The following NTF3 variants were observed in gnomAD, a reference collection of about 807,000 sequenced individuals.
NTF3 encodes the protein neurotrophin 3.
In NTF3, 8 loss-of-function variants were observed where a neutral mutation model predicts 26.3. That is an observed-to-expected ratio of 0.30 (90% CI 0.18 to 0.55). The LOEUF (loss-of-function observed/expected upper bound fraction) is 0.55. Ranked by LOEUF, NTF3 falls within the 20% of genes least tolerant of loss-of-function variation. The pLI is 0.93. For missense variants in NTF3, 276 were observed against 352.9 expected (o/e 0.78, Z 1.75); for synonymous variants, 154 against 145.5 (o/e 1.06, Z -0.42).
At chr12:5,475,809 C>G (rs1940715281) in intron 1 of NTF3, among the ~76,000 whole-genome samples, 1 of 148,002 alleles carries the variant, frequency 6.8e-6, no homozygotes, top group African/African-American at 2.5e-5. Flanking sequence ...GCACTCTAGA[C>G]TGAGTGACAG....
chr12:5,467,889 T>A (rs1402406177), intron 1 of NTF3, among the ~76,000 whole-genome samples: 1 of 152,200 alleles, frequency 6.6e-6, no homozygotes, highest in Non-Finnish European at 1.5e-5. Context: ...CGTGCTGTAC[T>A]CCTTGGACAC....
chr12:5,484,676 C>T (rs148947136), intron 1 of NTF3, among the ~76,000 whole-genome samples: 27 of 152,232 alleles, frequency 1.8e-4, no homozygotes, highest in Admixed American at 1.3e-3. Flanking sequence ...CATTTGGAAA[C>T]GTGCGGGTCC....
chr12:5,457,783 C>T (rs1940470415), intron 1 of NTF3, among the ~76,000 whole-genome samples: 1 of 152,156 alleles, frequency 6.6e-6, no homozygotes, highest in African/African-American at 2.4e-5. Context: ...TCTCCATTGT[C>T]TTTCACCTTA....
chr12:5,482,615 A>C (rs1205233219), intron 1 of NTF3, among the ~76,000 whole-genome samples: 2 of 151,536 alleles, frequency 1.3e-5, no homozygotes, highest in East Asian at 3.9e-4. Flanking sequence ...ATTTTCCCCA[A>C]CCAGGTAGAA....
intron 1 of NTF3, among the ~76,000 whole-genome samples, chr12:5,489,211 G>A (rs1940904528): frequency 6.6e-6 from 1 of 152,212 alleles, no homozygotes; most frequent in South Asian, 2.1e-4. Flanking sequence ...CTTTCATAGG[G>A]AATACAGGGA....
intron 1 of NTF3, among the ~76,000 whole-genome samples, chr12:5,482,123 T>A (rs1005482492): frequency 2.0e-5 from 3 of 151,672 alleles, no homozygotes; most frequent in Non-Finnish European, 4.4e-5. Flanking sequence ...CAATGCACAC[T>A]CACACACAGA....
intron 1 of NTF3, among the ~76,000 whole-genome samples, chr12:5,437,934 G>T (rs1192632995): frequency 6.6e-6 from 1 of 152,164 alleles, no homozygotes; most frequent in Non-Finnish European, 1.5e-5. Context: ...GGTAGATGGG[G>T]CATTTGTAGA....
At chr12:5,490,584 C>T (rs1940923442) in intron 1 of NTF3, among the ~76,000 whole-genome samples, 1 of 152,164 alleles carries the variant, frequency 6.6e-6, no homozygotes, top group Non-Finnish European at 1.5e-5. Flanking sequence ...TGGGGGACTC[C>T]CACCCCGGAC....
chr12:5,430,580 A>T (rs1800598), upstream of NTF3, among the ~76,000 whole-genome samples: 1 of 148,612 alleles, frequency 6.7e-6, no homozygotes, highest in African/African-American at 2.5e-5. Context: ...CGCAGCCCCC[A>T]GACTCCCCCC....
rs574420836 is a variant in NTF3 at position 5,490,359 on chromosome 12, G to A, written c.19-3835G>A. On this transcript the variant is annotated intron_variant, in intron 1 of 1. Coordinates refer to ENST00000423158, the MANE Select transcript of NTF3 (RefSeq NM_001102654.2). Reference sequence around the variant, plus strand: ...GCTGGGAGTCAAGGATGTGTGGATGGAAAGGACATGGTCCCTGTCGTCAAA... The same window carrying A: ...GCTGGGAGTCAAGGATGTGTGGATGAAAAGGACATGGTCCCTGTCGTCAAA... 3.7e-4 allele frequency among the ~76,000 whole-genome samples: 57 copies of A among 152,330 alleles called. No homozygotes were observed. The South Asian group carries it at 0.011, about 29-fold the overall frequency.
At chr12:5,435,766 T>A (rs1281711993) in intron 1 of NTF3, among the ~76,000 whole-genome samples, 1 of 152,154 alleles carries the variant, frequency 6.6e-6, no homozygotes, top group East Asian at 1.9e-4. Flanking sequence ...TGTTTGTTCA[T>A]CTTTGATGTT....
At chr12:5,449,212 G>A (rs1940343258) in intron 1 of NTF3, among the ~76,000 whole-genome samples, 1 of 152,208 alleles carries the variant, frequency 6.6e-6, no homozygotes, top group Non-Finnish European at 1.5e-5. Context: ...CAAGTGTGGA[G>A]TGTCGAGAGC....
chr12:5,494,675 G>A lies in NTF3; in HGVS notation c.500G>A (p.Ser167Asn). The A allele has an allele frequency of 1.2e-6, 2 of 1,614,224 alleles. No homozygotes were observed. Among genetic ancestry groups the A allele is most frequent in the Non-Finnish European group, 1.7e-6 (2 of 1,180,046 alleles). ...CGAGGGGAGTACTCGGTATGTGACA[G>A]TGAGAGTCTGTGGGTGACCGACAAG... ...SHRGEYSVCD[S>N]ESLWVTDKSS... is the part of the protein sequence containing the mutation. The change falls in exon 2 of 2, where the codon AGT becomes AAT. Residue 167 changes from serine to asparagine, a missense_variant. By Grantham distance (46) the Ser-to-Asn change is conservative (BLOSUM62 1). Transcript: ENST00000423158. The surrounding 1 kb of genome is among the most constrained non-coding windows in gnomAD (Gnocchi z 8.3).
At chr12:5,431,279 C>T (rs1250317125), upstream of NTF3, among the ~76,000 whole-genome samples, 2 of 152,130 alleles carry the variant, frequency 1.3e-5, no homozygotes, top group East Asian at 1.9e-4. Context: ...AGCTGCAGGG[C>T]CCCATCCTAG....
chr12:5,474,791 G>C (rs1351026913), intron 1 of NTF3, among the ~76,000 whole-genome samples: 1 of 152,162 alleles, frequency 6.6e-6, no homozygotes, highest in African/African-American at 2.4e-5. Context: ...AAGGAGGGTG[G>C]ATTTTGAGAA....
At chr12:5,468,457 G>C (rs886700140) in intron 1 of NTF3, among the ~76,000 whole-genome samples, 1 of 152,082 alleles carries the variant, frequency 6.6e-6, no homozygotes, top group Non-Finnish European at 1.5e-5. Context: ...ATCCAGCGAG[G>C]GGGCATTTGC....
At chr12:5,489,308 C>A (rs1487622944) in intron 1 of NTF3, among the ~76,000 whole-genome samples, 8 of 152,236 alleles carry the variant, frequency 5.3e-5, no homozygotes. Context: ...CTGCTGACAG[C>A]AGCCGTCCTG....
chr12:5,473,387 C>A lies in NTF3; in HGVS notation c.19-20807C>A, dbSNP rs143899961. On this transcript the variant is annotated intron_variant, in intron 1 of 1. Coordinates refer to ENST00000423158, the MANE Select transcript of NTF3 (RefSeq NM_001102654.2). ...CTGAGTTCCCTGACGTGGTAGGAAG[C>A]CCTCCCAGAGCCTTGTCCGTGCTTA... Among the ~76,000 whole-genome samples, 64 of 152,336 alleles carry A rather than the reference C, an allele frequency of 4.2e-4. 1 individual carries two copies. The East Asian group carries it at 0.012, about 28-fold the overall frequency.
chr12:5,444,133 C>A (rs2121153445), intron 1 of NTF3, among the ~76,000 whole-genome samples: 1 of 152,342 alleles, frequency 6.6e-6, no homozygotes, highest in East Asian at 1.9e-4. Flanking sequence ...CTGTCTACAG[C>A]AAGTCTCCTT....
Sources: allele counts gnomAD v4.1 joint callset (sites outside exome capture counted in the v4.1 genomes callset), GRCh38; gene constraint gnomAD v4.1.1; non-coding constraint Gnocchi (gnomAD v3.1); transcripts MANE v1.5; gene names NCBI Gene and HGNC (gene_info 2026-07-23, HGNC 2026-07-21).